The following TMA16 variants were observed in gnomAD, a reference collection of about 807,000 sequenced individuals.
The protein encoded by TMA16 is translation machinery-associated protein 16.
A neutral mutation model predicts 27.1 loss-of-function variants in TMA16; 26 were observed. That is an observed-to-expected ratio of 0.96 (90% CI 0.70 to 1.33). TMA16 has a LOEUF of 1.33. TMA16 is among the 40% of genes most tolerant of loss of function. The pLI is 0.00. For synonymous variants in TMA16, 71 were observed against 81.9 expected, an observed-to-expected ratio of 0.87 and a Z score of 0.72; for missense variants, 233 against 241.4, an observed-to-expected ratio of 0.97 and a Z score of 0.23.
At chr4:163,497,428 T>G (rs1737574445) in intron 1 of TMA16, among the ~76,000 whole-genome samples, 1 of 152,234 alleles carries the variant, frequency 6.6e-6, no homozygotes, top group African/African-American at 2.4e-5. Context: ...GATATGCATT[T>G]AGTGGCTTAA....
chr4:163,506,643 C>A (rs1737721893), intron 1 of TMA16, among the ~76,000 whole-genome samples: 1 of 152,060 alleles, frequency 6.6e-6, no homozygotes, highest in African/African-American at 2.4e-5. Context: ...ACAATCAAGC[C>A]CCTACTAATA....
intron 1 of TMA16, among the ~76,000 whole-genome samples, chr4:163,502,979 A>G (rs1479909665): frequency 1.3e-5 from 2 of 152,142 alleles, no homozygotes; most frequent in Non-Finnish European, 1.5e-5. Flanking sequence ...CTGTATTTTC[A>G]CTTTACCTTT....
chr4:163,517,484 T>C lies in TMA16; in HGVS notation c.431+8T>C, dbSNP rs778560098. 1 of 1,612,160 alleles carries C rather than the reference T, an allele frequency of 6.2e-7. No homozygotes were observed. Among genetic ancestry groups the C allele is most frequent in the South Asian group, 1.1e-5 (1 of 90,602 alleles). ...TAATCTGAAAACATTTAGGTGAGTC[T>C]GTCTTGTATTGTTCCCCTGAAGCTG... On this transcript the variant is annotated splice_region_variant and intron_variant, in intron 6 of 6. Coordinates refer to ENST00000358572, the MANE Select transcript of TMA16 (RefSeq NM_018352.3).
At chr4:163,502,103 CAGT>C (rs1414479108) in intron 1 of TMA16, among the ~76,000 whole-genome samples, 1 of 151,998 alleles carries the variant, frequency 6.6e-6, no homozygotes, top group African/African-American at 2.4e-5. Context: ...TAAAGAGTGG[CAGT>C]AGAGAATCTG....
At position 163,506,045 on chromosome 4, in the gene TMA16, G is replaced by C. The variant is rs753429072; in HGVS notation, c.4-988G>C. 4.1e-4 allele frequency among the ~76,000 whole-genome samples: 63 copies of C among 152,114 alleles called. 1 individual carries two copies. The highest frequency in any genetic ancestry group is 1.0e-4 in the Non-Finnish European group (7 of 68,018). On this transcript the variant is annotated intron_variant, in intron 1 of 6. Coordinates refer to ENST00000358572, the MANE Select transcript of TMA16 (RefSeq NM_018352.3). ...GATTATATTTACTACTCTCCCTTAT[G>C]TAACACTGTGAATAAATTTTGGTCA...
intron 5 of TMA16, 165 bp downstream of exon 5, chr4:163,515,626 C>T (rs1304096607): frequency 3.3e-5 from 23 of 694,962 alleles, no homozygotes; most frequent in Non-Finnish European, 4.6e-5. Context: ...CTTTTTTTTT[C>T]CCCTACATTC....
chr4:163,507,986 G>A (rs868537522), intron 2 of TMA16, among the ~76,000 whole-genome samples: 1 of 151,704 alleles, frequency 6.6e-6, no homozygotes, highest in Middle Eastern at 3.2e-3. Context: ...ACAGTGATTT[G>A]GCTAGAAGGA....
intron 4 of TMA16, among the ~76,000 whole-genome samples, chr4:163,514,793 G>C (rs965260837): frequency 5.9e-5 from 9 of 152,230 alleles, no homozygotes; most frequent in African/African-American, 2.2e-4. Context: ...GGCCAGAAAT[G>C]ATGGTGGCCT....
At position 163,517,464 on chromosome 4, in the gene TMA16, T is replaced by C; in HGVS notation, c.419T>C (p.Leu140Pro). 6.2e-7 allele frequency: 1 copy of C among 1,613,586 alleles called. No homozygotes were observed. Among genetic ancestry groups the C allele is most frequent in the African/African-American group, 1.3e-5 (1 of 75,042 alleles). The change falls in exon 6 of 7, where the codon CTG becomes CCG. Residue 140 changes from leucine to proline, a missense_variant. By Grantham distance (98) the Leu-to-Pro change is moderately conservative. Coordinates refer to ENST00000358572, the MANE Select transcript of TMA16 (RefSeq NM_018352.3). ...EIPDILNASN[L>P]KTFREWDFDL... ...CCAGACATTCTAAATGCAAGTAATC[T>C]GAAAACATTTAGGTGAGTCTGTCTT... is the stretch of plus-strand genomic sequence containing the variant.
rs908461654 is a variant in TMA16 at position 163,506,170 on chromosome 4, A to T, written c.4-863A>T. Among the ~76,000 whole-genome samples, 23 of 152,148 alleles carry T rather than the reference A, an allele frequency of 1.5e-4. 1 individual carries two copies. Among genetic ancestry groups the T allele is most frequent in the African/African-American group, 5.1e-4 (21 of 41,432 alleles). ...TCTTTTCCTACTTCATACTGGCTTG[A>T]GTGTAGACCTGGTATTAGGCTGTCT... On this transcript the variant is annotated intron_variant, in intron 1 of 6. Coordinates refer to ENST00000358572, the MANE Select transcript of TMA16 (RefSeq NM_018352.3).
intron 1 of TMA16, among the ~76,000 whole-genome samples, chr4:163,495,027 A>C (rs1737528418): frequency 6.6e-6 from 1 of 152,214 alleles, no homozygotes; most frequent in Admixed American, 6.5e-5. Context: ...TGAAGTGCTC[A>C]CACGTCGCCT....
At chr4:163,510,547 A>G (rs1737778845) in intron 2 of TMA16, among the ~76,000 whole-genome samples, 1 of 152,094 alleles carries the variant, frequency 6.6e-6, no homozygotes, top group Non-Finnish European at 1.5e-5. Flanking sequence ...TATCCATGTC[A>G]TTTTATGTAT....
At chr4:163,516,845 A>C (rs1247857465) in intron 5 of TMA16, among the ~76,000 whole-genome samples, 2 of 152,150 alleles carry the variant, frequency 1.3e-5, no homozygotes, top group Non-Finnish European at 2.9e-5. Context: ...TACCTTGTGA[A>C]GGCAGATTAT....
chr4:163,502,684 C>T (rs1737664187), intron 1 of TMA16, among the ~76,000 whole-genome samples: 1 of 152,048 alleles, frequency 6.6e-6, no homozygotes, highest in African/African-American at 2.4e-5. Flanking sequence ...TTAAAGTCTT[C>T]TTGGAAGCGC....
rs1316626057 is a variant in TMA16 at position 163,494,777 on chromosome 4, G to A, written c.-25G>A. 5 of 1,612,962 alleles carry A rather than the reference G, an allele frequency of 3.1e-6. No homozygotes were observed. In the Admixed American group the frequency reaches 8.3e-5, roughly 27 times the overall value. ...TTACCTGGGTCTAGAGTGCGGAGCT[G>A]CTCCGTGGCCACGAGGACGTCACCA... On this transcript the variant is annotated 5_prime_UTR_variant, in exon 1 of 7. Transcript: ENST00000358572.
chr4:163,499,369 A>G lies in TMA16; in HGVS notation c.3+4565A>G, dbSNP rs558802963. Among the ~76,000 whole-genome samples the G allele has an allele frequency of 1.1e-4, 16 of 152,238 alleles. No homozygotes were observed. The South Asian group carries it at 3.3e-3, about 32-fold the overall frequency. ...TGAATTTTATATAATGTTTAGAAAG[A>G]CCTTTCTCTGAGACTCCTCTACAAA... On this transcript the variant is annotated intron_variant, in intron 1 of 6. Coordinates refer to ENST00000358572, the MANE Select transcript of TMA16 (RefSeq NM_018352.3).
At chr4:163,519,265 T>C (rs1262995115) in intron 6 of TMA16, 69 bp from the exon 7 acceptor site, 2 of 1,400,954 alleles carry the variant, frequency 1.4e-6, no homozygotes, top group African/African-American at 3.0e-5. Context: ...GAAAATTTAC[T>C]ATCTCCTGTT....
At chr4:163,513,633 GTAA>G in intron 3 of TMA16, among the ~76,000 whole-genome samples, 1 of 152,230 alleles carries the variant, frequency 6.6e-6, no homozygotes, top group Admixed American at 6.5e-5. Flanking sequence ...ACAAATGGGG[GTAA>G]TAATAGTACT....
intron 1 of TMA16, among the ~76,000 whole-genome samples, chr4:163,505,436 G>A (rs1737706779): frequency 6.6e-6 from 1 of 152,204 alleles, no homozygotes; most frequent in South Asian, 2.1e-4. Flanking sequence ...AGTGTTGAAA[G>A]AATGAATATA....
Sources: gnomAD v4.1 joint callset for allele counts (sites outside exome capture counted in the v4.1 genomes callset) on GRCh38, gnomAD v4.1.1 for gene constraint, MANE v1.5 for transcripts, NCBI Gene and HGNC (gene_info 2026-07-23, HGNC 2026-07-21) for gene names.